BRDT: variants seen among roughly 807,000 people sequenced by gnomAD.
BRDT encodes bromodomain testis-specific protein.
A neutral mutation model predicts 113.9 loss-of-function variants in BRDT; 77 were observed. The ratio of observed to expected loss-of-function variants is 0.68; its 90% CI spans 0.56 to 0.82. The LOEUF is 0.82. BRDT is among the 40% of genes least tolerant of loss of function. The pLI is 0.00. For missense variants in BRDT, 1,027 were observed against 1,105.4 expected, an observed-to-expected ratio of 0.93 and a Z score of 1.01; for synonymous variants, 358 against 366.5, an observed-to-expected ratio of 0.98 and a Z score of 0.26.
intron 4 of BRDT, among the ~76,000 whole-genome samples, chr1:91,974,009 A>C (rs868732983): frequency 2.5e-4 from 38 of 152,312 alleles, no homozygotes; most frequent in Middle Eastern, 3.4e-3. Context: ...GATCTTTGAC[A>C]AACCTGACAA....
chr1:91,989,726 T>C (rs1685599298), intron 12 of BRDT, among the ~76,000 whole-genome samples: 1 of 150,952 alleles, frequency 6.6e-6, no homozygotes, highest in Non-Finnish European at 1.5e-5. Context: ...TCTGTCTCCT[T>C]CTCTTCCTCC....
intron 3 of BRDT, among the ~76,000 whole-genome samples, chr1:91,965,439 G>C (rs1329718455): frequency 6.6e-6 from 1 of 152,096 alleles, no homozygotes; most frequent in African/African-American, 2.4e-5. Flanking sequence ...ATGAGATAAA[G>C]GAAAAGCCTT....
chr1:91,977,190 G>C lies in BRDT; in HGVS notation c.766G>C (p.Asp256His), dbSNP rs142488198. The change falls in exon 6 of 19, where the codon GAT becomes CAT. Residue 256 changes from aspartate to histidine, a missense_variant. Physicochemically the swap from Asp to His is moderately conservative, Grantham distance 81. Coordinates refer to ENST00000399546, the MANE Select transcript of BRDT (RefSeq NM_207189.4). ...KENMPKNVLP[D>H]SQQQYNVVKT... ...AAATATGCCAAAGAATGTTTTGCCA[G>C]ATTCTCAGCAACAATATAATGTTGT... 7 of 1,613,912 alleles carry C rather than the reference G, an allele frequency of 4.3e-6. No homozygotes were observed. The highest frequency in any genetic ancestry group is 5.9e-6 in the Non-Finnish European group (7 of 1,179,986).
At chr1:91,995,513 A>C (rs926638822) in intron 15 of BRDT, among the ~76,000 whole-genome samples, 11 of 151,334 alleles carry the variant, frequency 7.3e-5, no homozygotes, top group African/African-American at 2.7e-4. Context: ...GTGGGAGTGC[A>C]GTGGCACAAT....
At chr1:92,009,545 C>CTTTTTTTTTTTTT (rs59044630) in intron 18 of BRDT, among the ~76,000 whole-genome samples, 6 of 103,412 alleles carry the variant, frequency 5.8e-5, no homozygotes, top group Admixed American at 1.4e-4. Flanking sequence ...CAACTTGCCA[C>CTTTTTTTTTTTTT]TTTTTTTTTT....
At position 92,005,162 on chromosome 1, in the gene BRDT, A is replaced by G; in HGVS notation, c.2638A>G (p.Ile880Val). The change falls in exon 18 of 19, where the codon ATA becomes GTA. Residue 880 changes from isoleucine to valine, a missense_variant. Ile to Val is a conservative substitution (Grantham distance 29). Transcript: ENST00000399546. The stretch of plus-strand genomic sequence containing the variant: ...GACTGTAGAATCTTTTTCAAATAAA[A>G]TACAAAACAAGTGCTCTGGAGAAGA... ...GLTVESFSNK[I>V]QNKCSGEEQK... 1 of 1,548,038 alleles carries G rather than the reference A, an allele frequency of 6.5e-7. No homozygotes were observed.
At position 92,008,479 on chromosome 1, in the gene BRDT, C is replaced by T. The variant is rs562388975; in HGVS notation, c.2775+3180C>T. Among the ~76,000 whole-genome samples, 3 of 152,242 alleles carry T rather than the reference C, an allele frequency of 2.0e-5. No homozygotes were observed. The South Asian group carries it at 6.2e-4, about 32-fold the overall frequency. On this transcript the variant is annotated intron_variant, in intron 18 of 18. Coordinates refer to ENST00000399546, the MANE Select transcript of BRDT (RefSeq NM_207189.4). ...CCTCTATATATATGCCCTCCCCCACCATCAATGTCAATACATCATTGTCAG... is the reference window on the plus strand; with the variant it reads ...CCTCTATATATATGCCCTCCCCCACTATCAATGTCAATACATCATTGTCAG...
At chr1:91,992,784 C>T (rs1685919640) in intron 14 of BRDT, among the ~76,000 whole-genome samples, 1 of 152,174 alleles carries the variant, frequency 6.6e-6, no homozygotes, top group South Asian at 2.1e-4. Flanking sequence ...GACCCACTCA[C>T]CTCAGCCTCC....
rs1299271315 is a variant in BRDT, at chr1:91,978,163, T to A, written c.970-5T>A. On this transcript the variant is annotated splice_polypyrimidine_tract_variant and splice_region_variant and intron_variant, in intron 6 of 18. Transcript: ENST00000399546. Reference sequence around the variant, plus strand: ...TGTGAATCCTGTAGTTTTTCTTTAATTTAGGAGAAAATGGATAACCAAGAA... The same window carrying A: ...TGTGAATCCTGTAGTTTTTCTTTAAATTAGGAGAAAATGGATAACCAAGAA... The A allele has an allele frequency of 6.2e-7, 1 of 1,609,776 alleles. No homozygotes were observed. Among genetic ancestry groups the A allele is most frequent in the Non-Finnish European group, 8.5e-7 (1 of 1,177,178 alleles).
At chr1:91,995,250 A>G (rs1013556022) in intron 15 of BRDT, among the ~76,000 whole-genome samples, 2 of 152,086 alleles carry the variant, frequency 1.3e-5, no homozygotes, top group African/African-American at 4.8e-5. Flanking sequence ...TCCCTCTAGA[A>G]TGTTCCCTGG....
rs557607922 is a variant in BRDT, at chr1:92,000,842, A to C, written c.2288-1207A>C. ...TAATAAAGGAATTTTGTTGGCATAC[A>C]TAAGCAATAGTCCAAAGATAGGTCA... On this transcript the variant is annotated intron_variant, in intron 15 of 18. Coordinates refer to ENST00000399546, the MANE Select transcript of BRDT (RefSeq NM_207189.4). Among the ~76,000 whole-genome samples the C allele has an allele frequency of 2.0e-5, 3 of 152,358 alleles. No individual in the cohort carries two copies. In the East Asian group the frequency reaches 5.8e-4, roughly 29 times the overall value.
rs759624118 is a variant in BRDT at position 91,994,149 on chromosome 1, C to T, written c.2182C>T (p.His728Tyr). ...TTLVHQTTPS[H>Y]VMPPNHHQLA... is the part of the protein sequence containing the mutation. ...CCTTGTTCATCAGACCACACCTTCA[C>T]ATGTAATGCCACCAAATCACCACCA... The change falls in exon 15 of 19, where the codon CAT becomes TAT. Residue 728 changes from histidine (H) to tyrosine (Y), a missense_variant. Coordinates refer to ENST00000399546, the MANE Select transcript of BRDT (RefSeq NM_207189.4). The T allele has an allele frequency of 2.5e-6, 4 of 1,613,604 alleles. No homozygotes were observed. Among genetic ancestry groups the T allele is most frequent in the Non-Finnish European group, 2.5e-6 (3 of 1,179,784 alleles).
At chr1:91,992,426 AAAAAC>A in intron 14 of BRDT, 112 bp downstream of exon 14, 1 of 684,058 alleles carries the variant, frequency 1.5e-6, no homozygotes, top group East Asian at 3.4e-5. Flanking sequence ...AAAAAAAAAA[AAAAAC>A]CACAGCAAGT....
intron 18 of BRDT, among the ~76,000 whole-genome samples, chr1:92,009,869 C>G (rs993932293): frequency 1.3e-5 from 2 of 151,868 alleles, no homozygotes; most frequent in African/African-American, 4.8e-5. Flanking sequence ...CTGTGCCTGG[C>G]CCTGCCTTCA....
At chr1:92,012,535 A>G (rs1308027235) in intron 18 of BRDT, among the ~76,000 whole-genome samples, 1 of 152,244 alleles carries the variant, frequency 6.6e-6, no homozygotes, top group Admixed American at 6.5e-5. Context: ...AACGTATCCA[A>G]TGCCTATATT....
chr1:91,990,591 G>A (rs1685660989), intron 12 of BRDT, among the ~76,000 whole-genome samples: 1 of 152,088 alleles, frequency 6.6e-6, no homozygotes, highest in Non-Finnish European at 1.5e-5. Context: ...GCTTGTTACT[G>A]TTATGTAACA....
At chr1:91,969,368 T>C (rs970102682) in intron 4 of BRDT, among the ~76,000 whole-genome samples, 1 of 151,650 alleles carries the variant, frequency 6.6e-6, no homozygotes, top group Non-Finnish European at 1.5e-5. Context: ...TTATTGGTAC[T>C]AATATATACT....
In BRDT at chr1:92,010,333, G is replaced by A. The variant is rs1469329360; in HGVS notation, c.2776-3873G>A. 6.8e-5 allele frequency among the ~76,000 whole-genome samples: 10 copies of A among 147,972 alleles called. No individual in the cohort carries two copies. In the East Asian group the frequency reaches 9.8e-4, roughly 15 times the overall value. Reference sequence around the variant, plus strand: ...GTTGCTCAGGCTGCAGTGCAGTGGCGTGATCTCGGCTCACTGCAACCTCTG... The same window carrying A: ...GTTGCTCAGGCTGCAGTGCAGTGGCATGATCTCGGCTCACTGCAACCTCTG... On this transcript the variant is annotated intron_variant, in intron 18 of 18. Transcript: ENST00000399546.
chr1:91,991,824 C>G (rs1436816312), intron 13 of BRDT, among the ~76,000 whole-genome samples: 2 of 139,200 alleles, frequency 1.4e-5, no homozygotes, highest in African/African-American at 5.1e-5. Flanking sequence ...AACCCCGTCT[C>G]TACTAAAAAT....
Sources: allele counts gnomAD v4.1 joint callset (sites outside exome capture counted in the v4.1 genomes callset), GRCh38; gene constraint gnomAD v4.1.1; transcripts MANE v1.5; gene names NCBI Gene and HGNC (gene_info 2026-07-23, HGNC 2026-07-21).